The following CDK5RAP2 variants were observed in gnomAD, a reference collection of about 807,000 sequenced individuals.
CDK5RAP2 encodes CDK5 regulatory subunit-associated protein 2.
In CDK5RAP2, 147 loss-of-function variants were observed where a neutral mutation model predicts 232.9. That is an observed-to-expected ratio of 0.63 (90% CI 0.55 to 0.72). The LOEUF (loss-of-function observed/expected upper bound fraction) is 0.72. Ranked by LOEUF, CDK5RAP2 falls within the 30% of genes least tolerant of loss-of-function variation. The probability of loss-of-function intolerance (pLI) is 0.00; values close to 1 mark genes in which losing one functional copy is unlikely to be tolerated. For synonymous variants in CDK5RAP2, 833 were observed against 833.7 expected, an observed-to-expected ratio of 1.00 and a Z score of 0.01; for missense variants, 2,195 against 2,231.5, an observed-to-expected ratio of 0.98 and a Z score of 0.33.
Position 120,485,328 on chromosome 9 carries a change from C to T in CDK5RAP2, c.1626+1966G>A, listed in dbSNP as rs560136933. 1.1e-4 allele frequency among the ~76,000 whole-genome samples: 14 copies of T among 128,752 alleles called. No homozygotes were observed. The South Asian group carries it at 1.7e-3, about 16-fold the overall frequency. The allele number at this position is 128,752 out of a possible 152,430, so 84.5% of individuals were successfully genotyped here. A position where few individuals can be genotyped will look rare whatever the true frequency, so the allele number is the denominator to read the frequency against. On this transcript the variant is annotated intron_variant, in intron 14 of 37. Transcript: ENST00000349780. The stretch of plus-strand genomic sequence containing the variant: ...TTTTTTTTTTTTGAGAGGAGTCTTG[C>T]TCTGTTGCCAGGCTGGAGTGCAGTG...
chr9:120,559,158 A>G (rs2042361005), intron 3 of CDK5RAP2, among the ~76,000 whole-genome samples: 1 of 152,246 alleles, frequency 6.6e-6, no homozygotes, highest in Non-Finnish European at 1.5e-5. Context: ...GAAATTAATT[A>G]GAATGTTTAA....
intron 21 of CDK5RAP2, among the ~76,000 whole-genome samples, chr9:120,451,979 G>A (rs1394025129): frequency 6.6e-6 from 1 of 150,902 alleles, no homozygotes; most frequent in African/African-American, 2.4e-5. Flanking sequence ...GACATAGCAA[G>A]AGGAATAATT....
At chr9:120,578,695 C>A (rs2043131595) in intron 1 of CDK5RAP2, among the ~76,000 whole-genome samples, 1 of 151,770 alleles carries the variant, frequency 6.6e-6, no homozygotes, top group Non-Finnish European at 1.5e-5. Flanking sequence ...GCCTCCCGAG[C>A]GGCTGGGACT....
At position 120,443,606 on chromosome 9, in the gene CDK5RAP2, G is replaced by T; in HGVS notation, c.3148+14C>A. 2 of 1,613,856 alleles carry T rather than the reference G, an allele frequency of 1.2e-6. No individual in the cohort carries two copies. Among genetic ancestry groups the T allele is most frequent in the East Asian group, 4.5e-5 (2 of 44,866 alleles). On this transcript the variant is annotated intron_variant, in intron 23 of 37. Coordinates refer to ENST00000349780, the MANE Select transcript of CDK5RAP2 (RefSeq NM_018249.6). The stretch of plus-strand genomic sequence containing the variant: ...ATGGAAGCTGTTCAATACACACAGG[G>T]GCTGAATTCTGACCAATCTCGTAGC...
chr9:120,561,343 C>G (rs1410128699), intron 3 of CDK5RAP2, among the ~76,000 whole-genome samples: 3 of 152,072 alleles, frequency 2.0e-5, no homozygotes, highest in Non-Finnish European at 2.9e-5. Context: ...GTCGCTCAGG[C>G]TAGAGTGCAG....
intron 32 of CDK5RAP2, among the ~76,000 whole-genome samples, chr9:120,404,925 A>G (rs1368492473): frequency 6.6e-6 from 1 of 152,256 alleles, no homozygotes; most frequent in Non-Finnish European, 1.5e-5. Context: ...CTCAGTGGGC[A>G]AAACACACTG....
chr9:120,483,087 C>T (rs1181926964), intron 14 of CDK5RAP2, among the ~76,000 whole-genome samples: 1 of 152,166 alleles, frequency 6.6e-6, no homozygotes, highest in Non-Finnish European at 1.5e-5. Context: ...CCCCTCTCCA[C>T]CCAGCCCCTC....
intron 36 of CDK5RAP2, among the ~76,000 whole-genome samples, chr9:120,391,963 C>T (rs1414216597): frequency 6.6e-6 from 1 of 152,218 alleles, no homozygotes; most frequent in Non-Finnish European, 1.5e-5. Context: ...GCAAGCCCCT[C>T]ACCCTGCTCT....
intron 25 of CDK5RAP2, among the ~76,000 whole-genome samples, chr9:120,425,920 TG>T (rs1363882949): frequency 2.9e-4 from 44 of 152,096 alleles, no homozygotes; most frequent in African/African-American, 1.0e-3. Flanking sequence ...CACTACACAC[TG>T]TGATAAGGGG....
chr9:120,555,439 G>A (rs780718679), intron 3 of CDK5RAP2, among the ~76,000 whole-genome samples: 63 of 152,078 alleles, frequency 4.1e-4, no homozygotes, highest in Admixed American at 9.8e-4. Context: ...TGCCTGGCCC[G>A]GCAGATCACT....
chr9:120,532,957 C>G (rs1419069311), intron 7 of CDK5RAP2, among the ~76,000 whole-genome samples: 1 of 152,108 alleles, frequency 6.6e-6, no homozygotes, highest in Non-Finnish European at 1.5e-5. Flanking sequence ...GTGGCACATG[C>G]TAACAGGACC....
intron 11 of CDK5RAP2, among the ~76,000 whole-genome samples, chr9:120,522,760 T>C (rs895222325): frequency 6.6e-6 from 1 of 152,206 alleles, no homozygotes; most frequent in African/African-American, 2.4e-5. Context: ...AGTTTAAATA[T>C]CACCTGCTGT....
At chr9:120,494,457 G>A (rs1369072975) in intron 12 of CDK5RAP2, among the ~76,000 whole-genome samples, 1 of 152,182 alleles carries the variant, frequency 6.6e-6, no homozygotes, top group South Asian at 2.1e-4. Flanking sequence ...AAAAAATGAG[G>A]AGTCATGTTG....
intron 14 of CDK5RAP2, among the ~76,000 whole-genome samples, chr9:120,483,566 T>A (rs1022313129): frequency 1.3e-5 from 2 of 152,218 alleles, no homozygotes; most frequent in Non-Finnish European, 2.9e-5. Flanking sequence ...GTGCTCAAAC[T>A]ACCCAATGTG....
At chr9:120,569,522 G>C (rs150237893) in intron 2 of CDK5RAP2, among the ~76,000 whole-genome samples, 1 of 152,324 alleles carries the variant, frequency 6.6e-6, no homozygotes, top group Non-Finnish European at 1.5e-5. Context: ...TTACCTGGGG[G>C]AGAATTCTCC....
At chr9:120,509,725 C>T (rs976774295) in intron 12 of CDK5RAP2, among the ~76,000 whole-genome samples, 5 of 152,222 alleles carry the variant, frequency 3.3e-5, no homozygotes, top group Non-Finnish European at 7.3e-5. Flanking sequence ...CTCCCTCTCT[C>T]AGATAAACCT....
At chr9:120,454,919 C>T (rs561409031) in intron 20 of CDK5RAP2, among the ~76,000 whole-genome samples, 1 of 152,314 alleles carries the variant, frequency 6.6e-6, no homozygotes, top group Non-Finnish European at 1.5e-5. Context: ...TTCCTGCTCC[C>T]TGATGTCAAA....
intron 8 of CDK5RAP2, 107 bp downstream of exon 8, chr9:120,529,871 T>C: frequency 1.8e-6 from 2 of 1,087,652 alleles, no homozygotes; most frequent in Non-Finnish European, 2.8e-6. Context: ...GACTCATATT[T>C]AGAAGCAGGC....
chr9:120,568,338 T>G lies in CDK5RAP2; in HGVS notation c.178A>C (p.Met60Leu). The G allele has an allele frequency of 6.2e-7, 1 of 1,613,606 alleles. No individual in the cohort carries two copies. The highest frequency in any genetic ancestry group is 8.5e-7 in the Non-Finnish European group (1 of 1,179,446). ...ETVSPTRARN[M>L]KDFENQITEL... ...CCACTTACATTTTCAAAGTCCTTCATGTTCCGTGCTCTGGTGGGAGACACT... is the reference window on the plus strand; with the variant it reads ...CCACTTACATTTTCAAAGTCCTTCAGGTTCCGTGCTCTGGTGGGAGACACT... The change falls in exon 3 of 38, where the codon ATG (methionine) becomes CTG (leucine). Residue 60 changes from methionine to leucine, a missense_variant. Physicochemically the swap from Met to Leu is conservative, Grantham distance 15. Transcript: ENST00000349780.
Sources: allele counts gnomAD v4.1 joint callset (sites outside exome capture counted in the v4.1 genomes callset), GRCh38; gene constraint gnomAD v4.1.1; transcripts MANE v1.5; gene names NCBI Gene and HGNC (gene_info 2026-07-23, HGNC 2026-07-21).